Variants in TUG1 observed in about 807,000 individuals in gnomAD.
TUG1 encodes taurine up-regulated 1.
At chr22:30,975,919 T>G (rs1297942810) in exon 3 of TUG1, 1 of 147,278 alleles carries the variant, frequency 6.8e-6, no homozygotes, top group Non-Finnish European at 1.5e-5. Flanking sequence ...ACTGGCAACA[T>G]TTCCTAAAGG....
exon 3 of TUG1, chr22:30,976,582 G>T (rs1375319493): frequency 1.3e-5 from 2 of 152,224 alleles, no homozygotes; most frequent in South Asian, 4.2e-4. Context: ...TTCATTCCTT[G>T]CCATGATATA....
chr22:30,969,460 C>T (rs1338049798), exon 1 of TUG1: 6 of 152,264 alleles, frequency 3.9e-5, no homozygotes, highest in Non-Finnish European at 8.8e-5. Flanking sequence ...TGGCATCCAG[C>T]TCTTGGGGCG....
chr22:30,973,884 TCTGGTGCC>T (rs2041256965), intron 2 of TUG1: 1 of 152,158 alleles, frequency 6.6e-6, no homozygotes, highest in African/African-American at 2.4e-5. Flanking sequence ...AGCTTCCTGA[TCTGGTGCC>T]CCTAGTCACA....
exon 3 of TUG1, chr22:30,975,450 A>G (rs965953842): frequency 2.0e-5 from 3 of 152,246 alleles, no homozygotes; most frequent in African/African-American, 7.2e-5. Flanking sequence ...TGGCATTCCA[A>G]TCTTTTCTGT....
exon 1 of TUG1, chr22:30,971,488 C>T (rs1376360950): frequency 2.6e-5 from 4 of 152,632 alleles, no homozygotes. Context: ...CTACAGTGTT[C>T]TGCAATAGTT....
At chr22:30,972,803 T>C (rs2041245745) in intron 1 of TUG1, 52 bp from the exon 2 acceptor site, 1 of 153,428 alleles carries the variant, frequency 6.5e-6, no homozygotes, top group Admixed American at 6.5e-5. Context: ...AGTCCTGTGT[T>C]TGTAATTCCA....
At chr22:30,972,362 A>G (rs1298508479) in intron 1 of TUG1, 1 of 150,852 alleles carries the variant, frequency 6.6e-6, no homozygotes, top group Non-Finnish European at 1.5e-5. Context: ...CCAAGACCTT[A>G]TTTTCTCCTA....
exon 1 of TUG1, chr22:30,969,522 G>T (rs1461367418): frequency 6.6e-6 from 1 of 151,896 alleles, no homozygotes; most frequent in African/African-American, 2.4e-5. Context: ...CTCGCGCCGC[G>T]TCTTTCTTCT....
At chr22:30,974,445 T>G (rs1482467756) in intron 2 of TUG1, 1 of 152,112 alleles carries the variant, frequency 6.6e-6, no homozygotes, top group South Asian at 2.1e-4. Context: ...TTTTTTTGCA[T>G]CATTCCATCT....
At chr22:30,974,026 A>G (rs1444798089) in intron 2 of TUG1, 5 of 152,258 alleles carry the variant, frequency 3.3e-5, no homozygotes, top group Non-Finnish European at 7.3e-5. Flanking sequence ...ATGTTCTAAC[A>G]GCAAAGCTAC....
chr22:30,977,367 T>C (rs1240520874), exon 3 of TUG1: 1 of 152,126 alleles, frequency 6.6e-6, no homozygotes, highest in Non-Finnish European at 1.5e-5. Context: ...TAGGGCCAAC[T>C]TTGACAAATC....
chr22:30,973,739 T>C (rs751661403), intron 2 of TUG1, 152 bp downstream of exon 2: 1 of 152,214 alleles, frequency 6.6e-6, no homozygotes, highest in Non-Finnish European at 1.5e-5. Flanking sequence ...TAAGCAATTA[T>C]CCAAGGTGAC....
At chr22:30,975,934 C>G (rs1172738756) in exon 3 of TUG1, 2 of 139,596 alleles carry the variant, frequency 1.4e-5, no homozygotes, top group African/African-American at 2.5e-5. Flanking sequence ...TAAAGGGGCT[C>G]AATATCTATC....
chr22:30,972,811 C>A (rs1343665018), intron 1 of TUG1, 44 bp from the exon 2 acceptor site: 1 of 153,340 alleles, frequency 6.5e-6, no homozygotes, highest in East Asian at 1.9e-4. Context: ...GTTTGTAATT[C>A]CATGCATTTG....
exon 3 of TUG1, chr22:30,975,765 AAT>A (rs1228864718): frequency 6.6e-6 from 1 of 152,210 alleles, no homozygotes; most frequent in Non-Finnish European, 1.5e-5. Flanking sequence ...ACCCTCCATG[AAT>A]ACCTGAATTA....
chr22:30,969,533 C>T (rs947975023), exon 1 of TUG1: 1 of 152,012 alleles, frequency 6.6e-6, no homozygotes, highest in African/African-American at 2.4e-5. Context: ...TCTTTCTTCT[C>T]GTACGCAGAA....
chr22:30,973,273 G>T (rs559146154), exon 2 of TUG1: 32 of 152,298 alleles, frequency 2.1e-4, no homozygotes, highest in African/African-American at 7.7e-4. Context: ...ACATCTTTTT[G>T]AGAGCAGCAT....
exon 2 of TUG1, chr22:30,973,008 T>C (rs1181577645): frequency 6.5e-6 from 1 of 153,198 alleles, no homozygotes; most frequent in Non-Finnish European, 1.5e-5. Flanking sequence ...AGTGGACCAC[T>C]GTGACCCAGG....
intron 1 of TUG1, chr22:30,972,364 T>A (rs2041240391): frequency 6.6e-6 from 1 of 150,892 alleles, no homozygotes; most frequent in Admixed American, 6.7e-5. Context: ...AAGACCTTAT[T>A]TTCTCCTACT....
Sources: gnomAD v4.1 joint callset for allele counts on GRCh38, gnomAD v4.1.1 for gene constraint, MANE v1.5 for transcripts, NCBI Gene and HGNC (gene_info 2026-07-23, HGNC 2026-07-21) for gene names.